Variants in CHKA observed in about 807,000 individuals in gnomAD.
The protein encoded by CHKA is CHETK-alpha.
Under a neutral mutation model 60.1 loss-of-function variants are expected in CHKA, and 34 were observed. The observed-to-expected ratio is 0.57, with a 90% CI of 0.43 to 0.75. The LOEUF (loss-of-function observed/expected upper bound fraction) is 0.75, where lower values mean the gene tolerates loss of function less well. Ranked by LOEUF, CHKA falls within the 30% of genes least tolerant of loss-of-function variation. CHKA has a pLI of 0.00. For synonymous variants in CHKA, 217 were observed against 223.1 expected (o/e 0.97, Z 0.24); for missense variants, 563 against 561.3 (o/e 1.00, Z -0.03).
At chr11:68,074,964 C>T in intron 3 of CHKA, 134 bp from the exon 4 acceptor site, 1 of 731,080 alleles carries the variant, frequency 1.4e-6, no homozygotes, top group Non-Finnish European at 2.3e-6. Context: ...TTATCATCAT[C>T]CCCATTTTAA....
At chr11:68,101,202 C>A (rs1857707230) in intron 1 of CHKA, among the ~76,000 whole-genome samples, 1 of 151,964 alleles carries the variant, frequency 6.6e-6, no homozygotes. Context: ...CCTGTCTCAG[C>A]CCCCCAAAGT....
intron 4 of CHKA, among the ~76,000 whole-genome samples, chr11:68,073,634 A>G (rs1856693665): frequency 6.6e-6 from 1 of 152,178 alleles, no homozygotes. Context: ...CAACTAGAAG[A>G]GGATACCTCT....
At chr11:68,120,088 C>T (rs1474018134) in intron 1 of CHKA, among the ~76,000 whole-genome samples, 1 of 151,822 alleles carries the variant, frequency 6.6e-6, no homozygotes, top group Non-Finnish European at 1.5e-5. Context: ...ATTAGCCGGG[C>T]GTGGTGGCGT....
At chr11:68,057,484 T>TA (rs1170371719) in intron 11 of CHKA, among the ~76,000 whole-genome samples, 2 of 152,072 alleles carry the variant, frequency 1.3e-5, no homozygotes, top group African/African-American at 4.8e-5. Flanking sequence ...CAGGCCCGGC[T>TA]AATTTTTTGT....
Position 68,070,282 on chromosome 11 carries a change from T to C in CHKA, c.776A>G (p.Glu259Gly). 6.2e-7 allele frequency: 1 copy of C among 1,608,706 alleles called. No individual in the cohort carries two copies. Among genetic ancestry groups the C allele is most frequent in the Non-Finnish European group, 8.5e-7 (1 of 1,175,364 alleles). The change falls in exon 6 of 12, where the codon GAA becomes GGA. Residue 259 changes from glutamate (E) to glycine (G), a missense_variant. Glu to Gly is a moderately conservative substitution (Grantham distance 98). Coordinates refer to ENST00000265689, the MANE Select transcript of CHKA (RefSeq NM_001277.3). ...LFGTMEKYLKEVLRIKFTEES... is the reference protein window; with the variant it reads ...LFGTMEKYLKGVLRIKFTEES... The stretch of plus-strand genomic sequence containing the variant: ...CTCAGTAAATTTAATTCTCAGCACT[T>C]CCTTTAGATACCTATTAAAAAATTT...
intron 11 of CHKA, 33 bp downstream of exon 11, chr11:68,061,919 GA>G (rs756537958): frequency 4.4e-3 from 4,735 of 1,077,526 alleles, no homozygotes; most frequent in Non-Finnish European, 5.0e-3. Context: ...GGAGTAGGAA[GA>G]AAAAAAAAAA....
At chr11:68,058,741 CCTTT>C (rs1227600834) in intron 11 of CHKA, among the ~76,000 whole-genome samples, 2 of 152,182 alleles carry the variant, frequency 1.3e-5, no homozygotes, top group South Asian at 2.1e-4. Flanking sequence ...ACCTATATTT[CCTTT>C]CTTTGTCTTG....
At chr11:68,054,115 C>T in intron 11 of CHKA, 68 bp from the exon 12 acceptor site, 2 of 1,325,524 alleles carry the variant, frequency 1.5e-6, no homozygotes, top group South Asian at 2.5e-5. Flanking sequence ...CATGTGTCCC[C>T]CAATCCCCAC....
chr11:68,106,130 T>C (rs1444667410), intron 1 of CHKA, among the ~76,000 whole-genome samples: 6 of 152,182 alleles, frequency 3.9e-5, no homozygotes, highest in Admixed American at 3.3e-4. Flanking sequence ...AAATTCAAAT[T>C]GCAGCTATGG....
intron 4 of CHKA, among the ~76,000 whole-genome samples, chr11:68,073,782 C>T (rs1565177929): frequency 1.3e-5 from 2 of 152,180 alleles, no homozygotes; most frequent in Non-Finnish European, 2.9e-5. Context: ...TCCATCTGCA[C>T]AGATGTACAG....
chr11:68,061,924 A>C, intron 11 of CHKA, 29 bp downstream of exon 11: 1 of 1,501,984 alleles, frequency 6.7e-7, no homozygotes, highest in Non-Finnish European at 9.0e-7. Context: ...AGGAAGAAAA[A>C]AAAAAACAAA....
intron 9 of CHKA, among the ~76,000 whole-genome samples, chr11:68,065,330 A>G (rs2134515688): frequency 6.6e-6 from 1 of 152,360 alleles, no homozygotes; most frequent in South Asian, 2.1e-4. Context: ...CTAAAAGGTC[A>G]AGTTTGTGTC....
chr11:68,097,691 T>C (rs1173975534), intron 1 of CHKA, among the ~76,000 whole-genome samples: 1 of 151,890 alleles, frequency 6.6e-6, no homozygotes, highest in Non-Finnish European at 1.5e-5. Context: ...CTCTAGGGCT[T>C]TCCATTTGAT....
chr11:68,096,392 C>T (rs1857516806), intron 2 of CHKA, among the ~76,000 whole-genome samples: 1 of 151,944 alleles, frequency 6.6e-6, no homozygotes, highest in Non-Finnish European at 1.5e-5. Flanking sequence ...AATATTTCTA[C>T]CGTGCTCAAT....
Position 68,053,904 on chromosome 11 carries a change from G to T in CHKA, c.*84C>A. 9.0e-7 allele frequency: 1 copy of T among 1,107,182 alleles called. No homozygotes were observed. Among genetic ancestry groups the T allele is most frequent in the Non-Finnish European group, 1.4e-6 (1 of 733,226 alleles). The allele number at this position is 1,107,182 out of a possible 1,614,324, so 68.6% of individuals were successfully genotyped here. On this transcript the variant is annotated 3_prime_UTR_variant, in exon 12 of 12. Coordinates refer to ENST00000265689, the MANE Select transcript of CHKA (RefSeq NM_001277.3). ...CCACCCAAAGCCTCCTGCCACAGGAGCAGTAGTCGAAGCACAGAGGGGACC... is the reference window on the plus strand; with the variant it reads ...CCACCCAAAGCCTCCTGCCACAGGATCAGTAGTCGAAGCACAGAGGGGACC...
At chr11:68,072,271 G>T (rs943776193) in intron 4 of CHKA, among the ~76,000 whole-genome samples, 3 of 152,128 alleles carry the variant, frequency 2.0e-5, no homozygotes, top group African/African-American at 4.8e-5. Context: ...TAAGCCAGGC[G>T]TGGTGGCTCA....
chr11:68,103,923 A>T (rs1857816506), intron 1 of CHKA, among the ~76,000 whole-genome samples: 1 of 151,976 alleles, frequency 6.6e-6, no homozygotes. Flanking sequence ...AAAAAAATAA[A>T]AAATAAATAA....
intron 3 of CHKA, among the ~76,000 whole-genome samples, chr11:68,080,566 T>C (rs1157844264): frequency 6.6e-6 from 1 of 152,172 alleles, no homozygotes; most frequent in African/African-American, 2.4e-5. Flanking sequence ...CAGGCTGGTC[T>C]CAAACTCCTG....
chr11:68,117,883 C>A (rs1423657274), intron 1 of CHKA, among the ~76,000 whole-genome samples: 3 of 152,146 alleles, frequency 2.0e-5, no homozygotes, highest in African/African-American at 4.8e-5. Flanking sequence ...AGGGACCAGA[C>A]AGAAGGTGGG....
Sources: gnomAD v4.1 joint callset for allele counts (sites outside exome capture counted in the v4.1 genomes callset) on GRCh38, gnomAD v4.1.1 for gene constraint, MANE v1.5 for transcripts, NCBI Gene and HGNC (gene_info 2026-07-23, HGNC 2026-07-21) for gene names.